Variants in ZBTB38 observed in about 807,000 individuals in gnomAD.
ZBTB38 encodes zinc finger and BTB domain-containing protein 38.
Under a neutral mutation model 76.8 loss-of-function variants are expected in ZBTB38, and 20 were observed. The ratio of observed to expected loss-of-function variants is 0.26; its 90% CI spans 0.18 to 0.38. ZBTB38 has a LOEUF of 0.38. Among genes scored for constraint, ZBTB38 ranks in the 10% least tolerant of loss-of-function variants. ZBTB38 has a pLI of 1.00. For missense variants in ZBTB38, 1,082 were observed against 1,482.3 expected (o/e 0.73, Z 4.43); for synonymous variants, 504 against 544.2 (o/e 0.93, Z 1.03).
At chr3:141,409,227 G>T (rs1166732870) in intron 5 of ZBTB38, among the ~76,000 whole-genome samples, 1 of 152,056 alleles carries the variant, frequency 6.6e-6, no homozygotes, top group South Asian at 2.1e-4. Flanking sequence ...TGTATTTTTA[G>T]TAGAGATGGG....
chr3:141,393,659 G>T (rs879624746), intron 4 of ZBTB38, among the ~76,000 whole-genome samples: 3 of 152,188 alleles, frequency 2.0e-5, no homozygotes, highest in African/African-American at 4.8e-5. Context: ...GGATGCAGAA[G>T]ATAAGAAAGA....
chr3:141,370,287 G>A (rs915788939), intron 2 of ZBTB38, among the ~76,000 whole-genome samples: 1 of 152,232 alleles, frequency 6.6e-6, no homozygotes, highest in Admixed American at 6.5e-5. Flanking sequence ...CCACTCCTCA[G>A]TGCAGTAAGA....
At position 141,442,692 on chromosome 3, in the gene ZBTB38, G is replaced by C. The variant is rs1285099958; in HGVS notation, c.304G>C (p.Glu102Gln). 1 of 1,614,188 alleles carries C rather than the reference G, an allele frequency of 6.2e-7. No individual in the cohort carries two copies. The highest frequency in any genetic ancestry group is 1.7e-5 in the Admixed American group (1 of 60,034). The change falls in exon 6 of 6, where the codon GAA (glutamate) becomes CAA (glutamine). Residue 102 changes from glutamate to glutamine, a missense_variant. Physicochemically the swap from Glu to Gln is conservative, Grantham distance 29 (BLOSUM62 2). Around this residue, in one of 8 missense-constraint regions of ZBTB38, gnomAD observed 68 missense variants for 153.0 expected, o/e 0.44. Coordinates refer to ENST00000321464, the MANE Select transcript of ZBTB38 (RefSeq NM_001376113.1). The surrounding 1 kb of genome is among the most constrained non-coding windows in gnomAD (Gnocchi z 6.4). ...YSSTVVVKRQETVTDLAAAGK... is the reference protein window; with the variant it reads ...YSSTVVVKRQQTVTDLAAAGK... ...TTCCACAGTCGTTGTCAAGAGACAG[G>C]AAACAGTCACTGATCTCGCAGCTGC...
At chr3:141,341,934 T>TC (rs1308716162) in intron 1 of ZBTB38, among the ~76,000 whole-genome samples, 1 of 138,918 alleles carries the variant, frequency 7.2e-6, no homozygotes, top group Non-Finnish European at 1.5e-5. Context: ...GATGTTCACT[T>TC]TTTTAAAAAA....
chr3:141,443,492 G>A lies in ZBTB38; in HGVS notation c.1104G>A (p.Gln368=), dbSNP rs373381853. Residue 368 remains glutamine (Q), a synonymous_variant, in exon 6 of 6, where the codon CAG becomes CAA. Coordinates refer to ENST00000321464, the MANE Select transcript of ZBTB38 (RefSeq NM_001376113.1). This position sits in a 1 kb window ranked among gnomAD's most constrained non-coding sequence, Gnocchi z 5.6. ...SAHMQLHKPT[Q]EPLVCKYCNK... Reference sequence around the variant, plus strand: ...ACATGCAGCTTCACAAGCCAACCCAGGAGCCTTTAGTGTGCAAGTATTGCA... The same window carrying A: ...ACATGCAGCTTCACAAGCCAACCCAAGAGCCTTTAGTGTGCAAGTATTGCA... 6.4e-5 allele frequency: 104 copies of A among 1,614,066 alleles called. No individual in the cohort carries two copies. Among genetic ancestry groups the A allele is most frequent in the Non-Finnish European group, 8.5e-5 (100 of 1,180,044 alleles).
rs764510317 is a variant in ZBTB38 at position 141,444,712 on chromosome 3, A to C, written c.2324A>C (p.Lys775Thr). Residue 775 changes from lysine (K) to threonine (T), a missense_variant, in exon 6 of 6, where the codon AAG becomes ACG. Lys to Thr is a moderately conservative substitution (Grantham distance 78). Coordinates refer to ENST00000321464, the MANE Select transcript of ZBTB38 (RefSeq NM_001376113.1). The surrounding 1 kb of genome is among the most constrained non-coding windows in gnomAD (Gnocchi z 5.1). ...GRFASRPKSI[K>T]EKKKTTSHTR... ...TTTGCAAGCAGACCCAAAAGCATTAAGGAGAAAAAGAAAACTACATCACAT... is the reference window on the plus strand; with the variant it reads ...TTTGCAAGCAGACCCAAAAGCATTACGGAGAAAAAGAAAACTACATCACAT... 1 of 1,614,146 alleles carries C rather than the reference A, an allele frequency of 6.2e-7. No individual in the cohort carries two copies. The highest frequency in any genetic ancestry group is 8.5e-7 in the Non-Finnish European group (1 of 1,180,024).
At chr3:141,354,026 G>A (rs1943590961) in intron 1 of ZBTB38, among the ~76,000 whole-genome samples, 2 of 152,088 alleles carry the variant, frequency 1.3e-5, no homozygotes, top group South Asian at 4.1e-4. Flanking sequence ...CCTCTTGGTT[G>A]GACTTGTTGA....
At chr3:141,333,185 C>A (rs926378849) in intron 1 of ZBTB38, among the ~76,000 whole-genome samples, 1 of 152,118 alleles carries the variant, frequency 6.6e-6, no homozygotes, top group Admixed American at 6.5e-5. Context: ...TTGTTTGCTC[C>A]GGTAAAGCCT....
intron 3 of ZBTB38, chr3:141,386,510 C>T (rs1318137963): frequency 6.6e-6 from 1 of 152,194 alleles, no homozygotes; most frequent in East Asian, 1.9e-4. Flanking sequence ...TCTAGAAATG[C>T]TATACCCTTT....
chr3:141,439,025 C>A (rs1208354855), intron 5 of ZBTB38, among the ~76,000 whole-genome samples: 1 of 151,802 alleles, frequency 6.6e-6, no homozygotes, highest in African/African-American at 2.4e-5. Context: ...TCCTATACCC[C>A]TGTTTTACTT....
intron 2 of ZBTB38, among the ~76,000 whole-genome samples, chr3:141,377,782 T>G (rs189635684): frequency 6.6e-6 from 1 of 152,312 alleles, no homozygotes; most frequent in Non-Finnish European, 1.5e-5. Flanking sequence ...AAAAGGCATG[T>G]GCTCTTTACA....
intron 2 of ZBTB38, among the ~76,000 whole-genome samples, chr3:141,378,184 G>C (rs1263462703): frequency 5.5e-5 from 4 of 72,962 alleles, no homozygotes; most frequent in South Asian, 3.1e-4. Flanking sequence ...GTCTCAACAA[G>C]CAAAAAAAAA....
rs2081203719 is a variant in ZBTB38, at chr3:141,447,719, T to G, written c.*1743T>G. 1 of 152,212 alleles carries G rather than the reference T, an allele frequency of 6.6e-6. No homozygotes were observed. 9.4% of individuals were successfully genotyped at this position (152,212 alleles called of 1,614,324 possible). A position where few individuals can be genotyped will look rare whatever the true frequency, so the allele number is the denominator to read the frequency against. ...GGACTCCGGTTTCTGTCTACAAGTG[T>G]GATGTCTCCATGAAGAAGACTTAGT... On this transcript the variant is annotated 3_prime_UTR_variant, in exon 6 of 6. Transcript: ENST00000321464.
In ZBTB38 at chr3:141,445,526, C is replaced by G; in HGVS notation, c.3138C>G (p.Cys1046Trp). Residue 1046 changes from cysteine to tryptophan, a missense_variant, in exon 6 of 6, where the codon TGC (cysteine) becomes TGG (tryptophan). Physicochemically the swap from Cys to Trp is radical, Grantham distance 215 (BLOSUM62 -2). Transcript: ENST00000321464. The surrounding 1 kb of genome is among the most constrained non-coding windows in gnomAD (Gnocchi z 6.5). ...ACCAGTGCAAGACCTGCGGACGGTG[C>G]TTTTCGGTGCAAGGAAACTTACAGA... ...KPYQCKTCGR[C>W]FSVQGNLQKH... 1 of 1,614,222 alleles carries G rather than the reference C, an allele frequency of 6.2e-7. No homozygotes were observed. Among genetic ancestry groups the G allele is most frequent in the Non-Finnish European group, 8.5e-7 (1 of 1,180,034 alleles).
At chr3:141,403,739 T>A (rs1953226635) in intron 4 of ZBTB38, among the ~76,000 whole-genome samples, 188 bp from the exon 5 acceptor site, 2 of 152,204 alleles carry the variant, frequency 1.3e-5, no homozygotes, top group African/African-American at 4.8e-5. Flanking sequence ...TTTCTATAGC[T>A]GTAAAATGGG....
chr3:141,423,055 C>T (rs1010566579), intron 5 of ZBTB38, among the ~76,000 whole-genome samples: 3 of 152,084 alleles, frequency 2.0e-5, no homozygotes, highest in Admixed American at 2.0e-4. Flanking sequence ...TTTTCCCTGG[C>T]TTCCCTTCTT....
upstream of ZBTB38, among the ~76,000 whole-genome samples, chr3:141,364,956 T>C (rs1389855622): frequency 6.6e-6 from 1 of 152,160 alleles, no homozygotes; most frequent in Non-Finnish European, 1.5e-5. Context: ...TGTAAAATGA[T>C]GCAGCACTTT....
chr3:141,343,738 A>G (rs1943263657), intron 1 of ZBTB38, among the ~76,000 whole-genome samples: 1 of 152,202 alleles, frequency 6.6e-6, no homozygotes, highest in Non-Finnish European at 1.5e-5. Flanking sequence ...ATCAAAGTAC[A>G]ACTCTCCTTC....
chr3:141,398,527 C>T (rs954646623), intron 4 of ZBTB38, among the ~76,000 whole-genome samples: 3 of 152,056 alleles, frequency 2.0e-5, no homozygotes, highest in Non-Finnish European at 4.4e-5. Flanking sequence ...ATTAACATAA[C>T]CTTTTAAAAC....
Sources: allele counts gnomAD v4.1 joint callset (sites outside exome capture counted in the v4.1 genomes callset), GRCh38; gene constraint gnomAD v4.1.1; regional missense constraint gnomAD v4.1.1; non-coding constraint Gnocchi (gnomAD v3.1); transcripts MANE v1.5; gene names NCBI Gene and HGNC (gene_info 2026-07-23, HGNC 2026-07-21).